The following AR variants were observed in gnomAD, a reference collection of about 807,000 sequenced individuals.
AR encodes the protein dihydrotestosterone receptor.
A neutral mutation model predicts 53.9 loss-of-function variants in AR; 8 were observed. That is an observed-to-expected ratio of 0.15 (90% CI 0.09 to 0.27). AR has a LOEUF of 0.27. AR is among the 10% of genes least tolerant of loss of function. AR has a pLI of 1.00. For synonymous variants in AR, 359 were observed against 316.4 expected, an observed-to-expected ratio of 1.13 and a Z score of -1.43; for missense variants, 639 against 742.5, an observed-to-expected ratio of 0.86 and a Z score of 1.62.
intron 1 of AR, among the ~76,000 whole-genome samples, chrX:67,552,737 G>A (rs1341707455): frequency 1.8e-5 from 2 of 112,027 alleles, no homozygotes; most frequent in South Asian, 3.7e-4. Flanking sequence ...AGCTATATTA[G>A]TGGGTGTGAA....
At chrX:67,680,736 C>A (rs186817659) in intron 2 of AR, 45 of 329,343 alleles carry the variant, frequency 1.4e-4, no homozygotes, top group African/African-American at 1.1e-3. Context: ...TCAGAATGAA[C>A]AAATTAAAAG....
chrX:67,611,659 G>T (rs1318144103), intron 1 of AR, among the ~76,000 whole-genome samples: 1 of 111,613 alleles, frequency 9.0e-6, no homozygotes, highest in African/African-American at 3.3e-5. Flanking sequence ...TGTACTGGAA[G>T]TATTTTTGCC....
At chrX:67,655,673 G>A (rs939552729) in intron 2 of AR, among the ~76,000 whole-genome samples, 9 of 110,774 alleles carry the variant, frequency 8.1e-5, no homozygotes, top group African/African-American at 3.0e-4. Flanking sequence ...TGTGACCTTG[G>A]GAAAATGATA....
At chrX:67,567,165 T>G (rs1209265563) in intron 1 of AR, among the ~76,000 whole-genome samples, 3 of 111,368 alleles carry the variant, frequency 2.7e-5, no homozygotes, top group Non-Finnish European at 1.9e-5. Flanking sequence ...TTCTCTAGCG[T>G]CCTCTTAATA....
intron 1 of AR, among the ~76,000 whole-genome samples, chrX:67,555,536 T>C (rs897879991): frequency 6.2e-5 from 7 of 112,236 alleles, no homozygotes; most frequent in African/African-American, 2.3e-4. Flanking sequence ...AAATTAAAAT[T>C]GAAGGTGATT....
intron 1 of AR, among the ~76,000 whole-genome samples, chrX:67,547,274 G>A (rs984529424): frequency 2.7e-5 from 3 of 111,683 alleles, no homozygotes; most frequent in Admixed American, 9.5e-5. Flanking sequence ...GAAATTCTCG[G>A]TTAGGGAAAG....
chrX:67,573,698 TC>T (rs1486076465), intron 1 of AR, among the ~76,000 whole-genome samples: 3 of 111,815 alleles, frequency 2.7e-5, no homozygotes, highest in African/African-American at 9.8e-5. Flanking sequence ...GGTGGCATTG[TC>T]ACTACCTCAT....
At chrX:67,642,451 C>G (rs1925830482) in intron 1 of AR, among the ~76,000 whole-genome samples, 1 of 111,616 alleles carries the variant, frequency 9.0e-6, no homozygotes, top group African/African-American at 3.3e-5. Flanking sequence ...TGCAGAAAGG[C>G]AGTTAGACAA....
At chrX:67,619,331 C>G (rs76964038) in intron 1 of AR, among the ~76,000 whole-genome samples, 6,828 of 103,758 alleles carry the variant, frequency 0.066, 230 homozygotes, top group East Asian at 0.13. Flanking sequence ...CTCTCTCTCT[C>G]TGTGTGTGTG....
intron 1 of AR, among the ~76,000 whole-genome samples, chrX:67,572,232 G>A (rs1261783007): frequency 8.9e-5 from 10 of 111,880 alleles, no homozygotes; most frequent in Non-Finnish European, 1.9e-4. Flanking sequence ...GTTTAGGAAA[G>A]AATTCATCAG....
intron 1 of AR, among the ~76,000 whole-genome samples, chrX:67,615,934 T>G: frequency 9.0e-6 from 1 of 111,723 alleles, no homozygotes. Context: ...AAAATGACAA[T>G]AATTATAAAC....
rs971833988 is a variant in AR at position 67,652,887 on chromosome X, G to T, written c.1768+9480G>T. 1.2e-4 allele frequency among the ~76,000 whole-genome samples: 14 copies of T among 112,017 alleles called. No individual in the cohort carries two copies. The Admixed American group carries it at 1.3e-3, about 11-fold the overall frequency. On this transcript the variant is annotated intron_variant, in intron 2 of 7. Transcript: ENST00000374690. ...GTGAGGATTGTTCCAAGGTTGTTTTGTGTGTATGTGCATGTATAAACTTTT... is the reference window on the plus strand; with the variant it reads ...GTGAGGATTGTTCCAAGGTTGTTTTTTGTGTATGTGCATGTATAAACTTTT...
chrX:67,626,638 A>G (rs1273795674), intron 1 of AR, among the ~76,000 whole-genome samples: 1 of 95,973 alleles, frequency 1.0e-5, no homozygotes, highest in Non-Finnish European at 2.0e-5. Context: ...ATATATATTT[A>G]TTATTATTAT....
At chrX:67,601,896 G>GA (rs1168285544) in intron 1 of AR, among the ~76,000 whole-genome samples, 1 of 111,610 alleles carries the variant, frequency 9.0e-6, no homozygotes, top group Non-Finnish European at 1.9e-5. Context: ...CCACCAAAAG[G>GA]AAAAGACTTG....
intron 4 of AR, among the ~76,000 whole-genome samples, chrX:67,716,080 G>GA (rs1238935099): frequency 1.8e-5 from 2 of 111,001 alleles, no homozygotes; most frequent in African/African-American, 3.3e-5. Context: ...TTTACAAAAG[G>GA]AAAAAAAATT....
intron 1 of AR, among the ~76,000 whole-genome samples, chrX:67,600,280 G>C (rs1434200012): frequency 9.1e-6 from 1 of 110,372 alleles, no homozygotes; most frequent in Non-Finnish European, 1.9e-5. Context: ...TAAAATTTTG[G>C]TACTAAAAAC....
intron 2 of AR, among the ~76,000 whole-genome samples, chrX:67,653,333 A>C (rs1191190702): frequency 2.7e-5 from 3 of 111,990 alleles, no homozygotes; most frequent in Non-Finnish European, 5.6e-5. Context: ...AACATAAAAG[A>C]GTGAGATTAC....
At chrX:67,558,252 A>G (rs978941731) in intron 1 of AR, among the ~76,000 whole-genome samples, 1 of 112,533 alleles carries the variant, frequency 8.9e-6, no homozygotes, top group African/African-American at 3.2e-5. Context: ...ACATAATCAT[A>G]TATAATAATA....
intron 1 of AR, 88 bp from the exon 2 acceptor site, chrX:67,643,168 G>A (rs2147435260): frequency 9.4e-7 from 1 of 1,060,461 alleles, no homozygotes. Context: ...ATTTATGCCT[G>A]CAGGTTAATG....
Sources: allele counts gnomAD v4.1 joint callset (sites outside exome capture counted in the v4.1 genomes callset), GRCh38; gene constraint gnomAD v4.1.1; transcripts MANE v1.5; gene names NCBI Gene and HGNC (gene_info 2026-07-23, HGNC 2026-07-21).